The following CENPW variants were observed in gnomAD, a reference collection of about 807,000 sequenced individuals.
CENPW encodes centromere protein W.
Under a neutral mutation model 11.1 loss-of-function variants are expected in CENPW, and 3 were observed. That is an observed-to-expected ratio of 0.27 (90% CI 0.12 to 0.70). CENPW has a LOEUF of 0.70. Ranked by LOEUF, CENPW falls within the 30% of genes least tolerant of loss-of-function variation. CENPW has a pLI of 0.77. For synonymous variants in CENPW, 38 were observed against 42.0 expected, an observed-to-expected ratio of 0.91 and a Z score of 0.37; for missense variants, 100 against 105.6, an observed-to-expected ratio of 0.95 and a Z score of 0.23.
the CENPW span, among the ~76,000 whole-genome samples, chr6:126,461,235 G>A: frequency 2.7e-5 from 4 of 150,328 alleles, no homozygotes; most frequent in Non-Finnish European, 4.5e-5. Context: ...CATGAGATCC[G>A]ATTGTTCTAA....
chr6:126,433,159 T>G, the CENPW span, among the ~76,000 whole-genome samples: 2 of 152,242 alleles, frequency 1.3e-5, no homozygotes, highest in African/African-American at 4.8e-5. Context: ...ATGACACATT[T>G]CATTTAGAAA....
At chr6:126,372,886 T>G in the CENPW span, among the ~76,000 whole-genome samples, 1 of 152,242 alleles carries the variant, frequency 6.6e-6, no homozygotes. Flanking sequence ...ACGAGTAATA[T>G]AGATTCTATG....
At chr6:126,438,184 T>C in the CENPW span, among the ~76,000 whole-genome samples, 1 of 151,696 alleles carries the variant, frequency 6.6e-6, no homozygotes, top group African/African-American at 2.4e-5. Flanking sequence ...CTCTTTGTAT[T>C]TACTTTTCAC....
chr6:126,410,594 T>C, the CENPW span, among the ~76,000 whole-genome samples: 1 of 151,856 alleles, frequency 6.6e-6, no homozygotes. Flanking sequence ...ATTTTTGTTA[T>C]CTTTTTTTCC....
chr6:126,365,826 G>A, the CENPW span, among the ~76,000 whole-genome samples: 96 of 152,258 alleles, frequency 6.3e-4, no homozygotes, highest in African/African-American at 2.1e-3. Flanking sequence ...CACAAAGAAT[G>A]AAAGGAAATG....
the CENPW span, among the ~76,000 whole-genome samples, chr6:126,380,049 T>A: frequency 6.6e-6 from 1 of 152,008 alleles, no homozygotes; most frequent in Admixed American, 6.6e-5. Context: ...AGTTCATGGG[T>A]TGTGCCACCA....
chr6:126,376,560 G>A, the CENPW span, among the ~76,000 whole-genome samples: 1 of 152,184 alleles, frequency 6.6e-6, no homozygotes, highest in South Asian at 2.1e-4. Context: ...CAGTAGTAGG[G>A]TTGACAGGGC....
chr6:126,347,503 A>C (rs1228898535), intron 2 of CENPW, among the ~76,000 whole-genome samples: 1 of 152,124 alleles, frequency 6.6e-6, no homozygotes, highest in Non-Finnish European at 1.5e-5. Flanking sequence ...AATTCATTTG[A>C]GTATTCAAAC....
intron 1 of CENPW, among the ~76,000 whole-genome samples, chr6:126,341,760 G>T (rs941775139): frequency 6.6e-6 from 1 of 152,150 alleles, no homozygotes; most frequent in African/African-American, 2.4e-5. Context: ...TGGAGGGAGA[G>T]GAAATGTACC....
the CENPW span, among the ~76,000 whole-genome samples, chr6:126,374,632 C>T: frequency 6.6e-6 from 1 of 152,176 alleles, no homozygotes; most frequent in Non-Finnish European, 1.5e-5. Context: ...CAATACATAT[C>T]TCCTGTGAAC....
At chr6:126,465,961 A>G in the CENPW span, among the ~76,000 whole-genome samples, 3 of 152,138 alleles carry the variant, frequency 2.0e-5, no homozygotes, top group Non-Finnish European at 4.4e-5. Flanking sequence ...TGTAAAACCT[A>G]AAACACAAAG....
At chr6:126,428,003 C>A in the CENPW span, among the ~76,000 whole-genome samples, 1 of 152,226 alleles carries the variant, frequency 6.6e-6, no homozygotes, top group African/African-American at 2.4e-5. Flanking sequence ...GATCTCACCT[C>A]TCCTAACGAA....
chr6:126,454,788 G>A, the CENPW span, among the ~76,000 whole-genome samples: 1 of 150,946 alleles, frequency 6.6e-6, no homozygotes, highest in African/African-American at 2.4e-5. Context: ...TCCATGAGTT[G>A]GTTTTTTGAT....
chr6:126,405,436 G>A, the CENPW span, among the ~76,000 whole-genome samples: 1 of 152,058 alleles, frequency 6.6e-6, no homozygotes, highest in African/African-American at 2.4e-5. Context: ...AGACAGTAGT[G>A]TGATGCCTCC....
chr6:126,404,165 A>G, the CENPW span, among the ~76,000 whole-genome samples: 2 of 152,088 alleles, frequency 1.3e-5, no homozygotes, highest in Non-Finnish European at 1.5e-5. Context: ...TCAAAATCTT[A>G]TTGCTCACTG....
the CENPW span, among the ~76,000 whole-genome samples, chr6:126,444,347 A>G: frequency 1.3e-5 from 2 of 150,428 alleles, no homozygotes; most frequent in Non-Finnish European, 3.0e-5. Flanking sequence ...GCCTTTTTCT[A>G]TCTCTCATCA....
chr6:126,482,219 C>T, the CENPW span, among the ~76,000 whole-genome samples: 2 of 151,978 alleles, frequency 1.3e-5, no homozygotes, highest in African/African-American at 2.4e-5. Context: ...CCCAGTGCAA[C>T]ATTTCTGAGA....
At chr6:126,414,260 G>C in the CENPW span, among the ~76,000 whole-genome samples, 7 of 152,142 alleles carry the variant, frequency 4.6e-5, no homozygotes, top group Middle Eastern at 3.4e-3. Context: ...AGATAATCTA[G>C]AAACAAAATC....
intron 1 of CENPW, among the ~76,000 whole-genome samples, chr6:126,345,256 A>G (rs1029411606): frequency 1.3e-5 from 2 of 151,980 alleles, no homozygotes; most frequent in Non-Finnish European, 2.9e-5. Context: ...GCTTGTTTAT[A>G]CATATATGTA....
Sources: allele counts gnomAD v4.1 joint callset (sites outside exome capture counted in the v4.1 genomes callset), GRCh38; gene constraint gnomAD v4.1.1; transcripts MANE v1.5; gene names NCBI Gene and HGNC (gene_info 2026-07-23, HGNC 2026-07-21).